Variants in ENTPD5 observed in about 807,000 individuals in gnomAD.
ENTPD5 encodes the protein nucleoside diphosphate phosphatase ENTPD5.
Under a neutral mutation model 60.2 loss-of-function variants are expected in ENTPD5, and 49 were observed. The observed-to-expected ratio is 0.81, with a 90% CI of 0.65 to 1.03. The LOEUF is 1.03. ENTPD5 is among the 50% of genes least tolerant of loss of function. ENTPD5 has a pLI of 0.00. For missense variants in ENTPD5, 480 were observed against 507.6 expected, an observed-to-expected ratio of 0.95 and a Z score of 0.52; for synonymous variants, 187 against 185.4, an observed-to-expected ratio of 1.01 and a Z score of -0.07.
intron 3 of ENTPD5, among the ~76,000 whole-genome samples, chr14:73,994,967 A>G (rs1318272954): frequency 2.6e-5 from 4 of 151,578 alleles, no homozygotes; most frequent in Admixed American, 2.0e-4. Context: ...AACACATTAT[A>G]TAATTTACTT....
chr14:74,011,190 C>G (rs1163758084), intron 2 of ENTPD5, 40 bp from the exon 3 acceptor site: 5 of 516,232 alleles, frequency 9.7e-6, no homozygotes, highest in Non-Finnish European at 1.2e-5. Context: ...GAACAGTTTC[C>G]TCTTTTTCTC....
intron 3 of ENTPD5, among the ~76,000 whole-genome samples, chr14:74,004,535 G>A (rs899565825): frequency 3.3e-5 from 5 of 152,178 alleles, no homozygotes; most frequent in Admixed American, 3.3e-4. Flanking sequence ...AGGCTCTCAT[G>A]AGATTGCAGT....
chr14:74,016,719 G>A (rs1325484152), intron 1 of ENTPD5, among the ~76,000 whole-genome samples: 1 of 152,132 alleles, frequency 6.6e-6, no homozygotes, highest in Non-Finnish European at 1.5e-5. Flanking sequence ...TAATAATCTT[G>A]TTATAGTCAA....
chr14:73,991,608 C>CAAAAAAAAAAAAAAA (rs67647627), intron 3 of ENTPD5, among the ~76,000 whole-genome samples: 1 of 68,548 alleles, frequency 1.5e-5, no homozygotes, highest in Non-Finnish European at 3.0e-5. Flanking sequence ...AAACAATAAC[C>CAAAAAAAAAAAAAAA]AAAAAAAAAA....
chr14:73,997,915 T>A (rs1476189944), intron 3 of ENTPD5, among the ~76,000 whole-genome samples: 1 of 152,162 alleles, frequency 6.6e-6, no homozygotes, highest in Non-Finnish European at 1.5e-5. Context: ...GAGTACCCCC[T>A]TTCCCAGTGT....
At chr14:73,960,752 A>G (rs1218751713), downstream of ENTPD5, 11 of 434,118 alleles carry the variant, frequency 2.5e-5, no homozygotes, top group African/African-American at 4.1e-5. Flanking sequence ...TACAGGGGGG[A>G]AACACAGAGA....
intron 3 of ENTPD5, among the ~76,000 whole-genome samples, chr14:73,991,487 C>T (rs1053852027): frequency 6.0e-5 from 9 of 151,118 alleles, no homozygotes; most frequent in African/African-American, 1.9e-4. Flanking sequence ...ACTCAGGAGG[C>T]TGAGGCAGGA....
In ENTPD5 at chr14:73,985,604, G is replaced by C. The variant is rs560214182; in HGVS notation, c.297+1210C>G. Among the ~76,000 whole-genome samples, 5 of 152,188 alleles carry C rather than the reference G, an allele frequency of 3.3e-5. No individual in the cohort carries two copies. In the South Asian group the frequency reaches 1.0e-3, roughly 32 times the overall value. ...TGATGGGGTTGTTTGATTTTTTCTT[G>C]TAAATTTGTTAAGTTCTTTGCAGAT... On this transcript the variant is annotated intron_variant, in intron 5 of 15. Coordinates refer to ENST00000334696, the MANE Select transcript of ENTPD5 (RefSeq NM_001249.5).
chr14:74,009,730 C>T (rs1357584514), intron 3 of ENTPD5, among the ~76,000 whole-genome samples: 1 of 152,240 alleles, frequency 6.6e-6, no homozygotes, highest in Non-Finnish European at 1.5e-5. Context: ...CTGCCTCAAC[C>T]TCCCAGAGGG....
rs1403010947 is a variant in ENTPD5 at position 73,964,817 on chromosome 14, A to G, written c.*2111T>C. The G allele has an allele frequency of 6.6e-6, 1 of 152,240 alleles. No homozygotes were observed. Among genetic ancestry groups the G allele is most frequent in the Non-Finnish European group, 1.5e-5 (1 of 68,044 alleles). 9.4% of individuals were successfully genotyped at this position (152,240 alleles called of 1,614,324 possible). ...TGGAAGGAGAGATTAGAGCAGAACTAAGACCACTTAGAAGATAGGTAGATT... is the reference window on the plus strand; with the variant it reads ...TGGAAGGAGAGATTAGAGCAGAACTGAGACCACTTAGAAGATAGGTAGATT... On this transcript the variant is annotated 3_prime_UTR_variant, in exon 16 of 16. Coordinates refer to ENST00000334696, the MANE Select transcript of ENTPD5 (RefSeq NM_001249.5).
At chr14:73,989,287 C>T (rs968723111) in intron 3 of ENTPD5, among the ~76,000 whole-genome samples, 3 of 151,458 alleles carry the variant, frequency 2.0e-5, no homozygotes, top group Non-Finnish European at 2.9e-5. Context: ...ACAGGCCAGG[C>T]GCAGTGGCTC....
At chr14:74,003,053 T>C (rs2058560201) in intron 3 of ENTPD5, among the ~76,000 whole-genome samples, 1 of 152,208 alleles carries the variant, frequency 6.6e-6, no homozygotes, top group African/African-American at 2.4e-5. Flanking sequence ...CTTCAAATAC[T>C]TGTTTAAAAA....
At chr14:74,008,890 G>A (rs898282898) in intron 3 of ENTPD5, 1 of 152,194 alleles carries the variant, frequency 6.6e-6, no homozygotes, top group African/African-American at 2.4e-5. Context: ...ATAAAGAAAT[G>A]AGAATTGATG....
intron 3 of ENTPD5, among the ~76,000 whole-genome samples, chr14:74,010,610 A>G (rs932200586): frequency 1.3e-5 from 2 of 152,146 alleles, no homozygotes; most frequent in Admixed American, 6.6e-5. Context: ...CCTACAGGGA[A>G]AACCACTTTT....
At position 73,987,601 on chromosome 14, in the gene ENTPD5, A is replaced by T. The variant is rs566240454; in HGVS notation, c.217+285T>A. ...GGTGGAAGGACTGCTTGAGCCCAGG[A>T]GGTCAAGGTTGCAGTGATGTGTCAT... On this transcript the variant is annotated intron_variant, in intron 4 of 15. Coordinates refer to ENST00000334696, the MANE Select transcript of ENTPD5 (RefSeq NM_001249.5). Among the ~76,000 whole-genome samples the T allele has an allele frequency of 2.6e-5, 4 of 152,272 alleles. No homozygotes were observed. The South Asian group carries it at 8.3e-4, about 32-fold the overall frequency.
intron 3 of ENTPD5, among the ~76,000 whole-genome samples, chr14:73,997,260 C>CAA (rs2058366719): frequency 6.6e-6 from 1 of 152,104 alleles, no homozygotes; most frequent in Non-Finnish European, 1.5e-5. Context: ...AGCAGAGAAT[C>CAA]AGATTTCAAA....
intron 6 of ENTPD5, among the ~76,000 whole-genome samples, chr14:73,981,621 T>C (rs572346685): frequency 6.4e-4 from 97 of 152,020 alleles, no homozygotes; most frequent in Non-Finnish European, 1.1e-3. Context: ...CTGGGCAACA[T>C]GGTGAAACCC....
intron 6 of ENTPD5, among the ~76,000 whole-genome samples, chr14:73,982,737 CAG>C (rs1459028013): frequency 4.0e-5 from 6 of 151,874 alleles, no homozygotes; most frequent in Admixed American, 2.0e-4. Flanking sequence ...GCCTGGGTGA[CAG>C]AGTGAGACTC....
At position 73,999,591 on chromosome 14, in the gene ENTPD5, T is replaced by G. The variant is rs7159179; in HGVS notation, c.-70-11419A>C. ...TGGGCGGATCATGAGGTCAGGAGTT[T>G]GAGACCAGACTGACCAACATGGTAA... On this transcript the variant is annotated intron_variant, in intron 3 of 15. Coordinates refer to ENST00000334696, the MANE Select transcript of ENTPD5 (RefSeq NM_001249.5). Among the ~76,000 whole-genome samples, 920 of 150,826 alleles carry G rather than the reference T, an allele frequency of 6.1e-3. 13 individuals are homozygous for G. The highest frequency in any genetic ancestry group is 0.021 in the African/African-American group (879 of 40,902).
Sources: gnomAD v4.1 joint callset for allele counts (sites outside exome capture counted in the v4.1 genomes callset) on GRCh38, gnomAD v4.1.1 for gene constraint, MANE v1.5 for transcripts, NCBI Gene and HGNC (gene_info 2026-07-23, HGNC 2026-07-21) for gene names.